VAV3: variants seen among roughly 807,000 people sequenced by gnomAD.
VAV3 encodes the protein guanine nucleotide exchange factor VAV3.
In VAV3, 94 loss-of-function variants were observed where a neutral mutation model predicts 131.2. The observed-to-expected ratio is 0.72, with a 90% CI of 0.61 to 0.85. VAV3 has a LOEUF of 0.85. Among genes scored for constraint, VAV3 ranks in the 40% least tolerant of loss-of-function variants. VAV3 has a pLI of 0.00. For missense variants in VAV3, 939 were observed against 1,002.7 expected (o/e 0.94, Z 0.86); for synonymous variants, 349 against 342.0 (o/e 1.02, Z -0.22).
chr1:107,766,599 A>AAT, intron 7 of VAV3, 49 bp from the exon 8 acceptor site: 1 of 1,407,358 alleles, frequency 7.1e-7, no homozygotes, highest in Non-Finnish European at 1.0e-6. Context: ...ACAACCAAAA[A>AAT]ATACACCCCA....
chr1:107,649,329 C>G (rs1655983120), intron 19 of VAV3, among the ~76,000 whole-genome samples: 1 of 152,078 alleles, frequency 6.6e-6, no homozygotes, highest in Admixed American at 6.6e-5. Context: ...CCAAGAGAGA[C>G]AGTCTAAAGG....
At chr1:107,922,893 A>G (rs991462726) in intron 1 of VAV3, among the ~76,000 whole-genome samples, 2 of 150,480 alleles carry the variant, frequency 1.3e-5, no homozygotes, top group Non-Finnish European at 3.0e-5. Context: ...CGGAGCTTGC[A>G]GTGAGCCGAG....
At chr1:107,779,570 T>C in intron 2 of VAV3, 78 bp from the exon 3 acceptor site, 2 of 1,158,442 alleles carry the variant, frequency 1.7e-6, no homozygotes, top group Non-Finnish European at 2.4e-6. Context: ...TTTTTCAATC[T>C]AATATTAACC....
intron 15 of VAV3, among the ~76,000 whole-genome samples, chr1:107,717,735 C>T (rs1192515909): frequency 6.6e-6 from 1 of 152,142 alleles, no homozygotes; most frequent in Non-Finnish European, 1.5e-5. Flanking sequence ...GTGGAGAGTT[C>T]TGTAGATGTC....
At chr1:107,592,292 T>C (rs1651031451) in intron 25 of VAV3, among the ~76,000 whole-genome samples, 1 of 152,156 alleles carries the variant, frequency 6.6e-6, no homozygotes, top group Non-Finnish European at 1.5e-5. Context: ...CACTTATGCT[T>C]TTTGGGGACA....
At chr1:107,617,105 A>G (rs902378656) in intron 21 of VAV3, among the ~76,000 whole-genome samples, 34 of 152,352 alleles carry the variant, frequency 2.2e-4, no homozygotes, top group African/African-American at 7.9e-4. Flanking sequence ...TATAAAAAGT[A>G]ATGTCACACT....
At position 107,829,544 on chromosome 1, in the gene VAV3, C is replaced by T. The variant is rs17557888; in HGVS notation, c.321+45357G>A. Among the ~76,000 whole-genome samples, 1,088 of 152,182 alleles carry T rather than the reference C, an allele frequency of 7.1e-3. 4 individuals are homozygous for T. The highest frequency in any genetic ancestry group is 0.014 in the South Asian group (69 of 4,812). ...TATTTTAGTTTCTGTGTGGGCACTT[C>T]CTTTGCACAGACCACAGTCCTGTAC... On this transcript the variant is annotated intron_variant, in intron 2 of 26. Transcript: ENST00000370056.
intron 19 of VAV3, among the ~76,000 whole-genome samples, chr1:107,665,664 T>C (rs1657357930): frequency 6.6e-6 from 1 of 152,316 alleles, no homozygotes; most frequent in East Asian, 1.9e-4. Context: ...GGGAGCTAAC[T>C]AGTTTTACAT....
intron 18 of VAV3, 123 bp from the exon 19 acceptor site, chr1:107,683,656 G>T: frequency 1.1e-6 from 1 of 936,860 alleles, no homozygotes; most frequent in African/African-American, 1.6e-5. Context: ...GTCAAAGTAT[G>T]ACTAAATTTG....
chr1:107,589,569 G>A (rs1315156466), intron 25 of VAV3, among the ~76,000 whole-genome samples: 1 of 152,208 alleles, frequency 6.6e-6, no homozygotes, highest in Non-Finnish European at 1.5e-5. Context: ...GTAAACTTCT[G>A]TTGTTTTAAG....
At chr1:107,779,173 A>G (rs1665541920) in intron 3 of VAV3, among the ~76,000 whole-genome samples, 1 of 151,976 alleles carries the variant, frequency 6.6e-6, no homozygotes, top group Admixed American at 6.6e-5. Context: ...AAAGTTAAAA[A>G]AAAAAAAAAA....
At chr1:107,610,789 G>T (rs1023441199) in intron 21 of VAV3, among the ~76,000 whole-genome samples, 1 of 152,122 alleles carries the variant, frequency 6.6e-6, no homozygotes, top group Non-Finnish European at 1.5e-5. Context: ...TATAGAGAGG[G>T]TTACTTTAAA....
At chr1:107,716,304 C>G (rs1361254370) in intron 15 of VAV3, among the ~76,000 whole-genome samples, 1 of 152,156 alleles carries the variant, frequency 6.6e-6, no homozygotes, top group Admixed American at 6.5e-5. Context: ...ATTATTGTGA[C>G]CAAACAGCCA....
At chr1:107,931,580 G>A (rs1246224325) in intron 1 of VAV3, among the ~76,000 whole-genome samples, 2 of 152,158 alleles carry the variant, frequency 1.3e-5, no homozygotes, top group East Asian at 3.8e-4. Context: ...CTATTCAAAT[G>A]ATACAGATTA....
chr1:107,574,085 T>G lies in VAV3; in HGVS notation c.2464A>C (p.Ser822Arg). Residue 822 changes from serine to arginine, a missense_variant, in exon 26 of 27, where the codon AGT (serine) becomes CGT (arginine). Transcript: ENST00000370056. ...TCTCCTCTCCACCAGCCATTTGCACTCATCTTTGTGTAAATCTTCACCACA... is the reference window on the plus strand; with the variant it reads ...TCTCCTCTCCACCAGCCATTTGCACGCATCTTTGTGTAAATCTTCACCACA... ...GDVVKIYTKM[S>R]ANGWWRGEVN... 2 of 1,614,172 alleles carry G rather than the reference T, an allele frequency of 1.2e-6. No homozygotes were observed. Among genetic ancestry groups the G allele is most frequent in the Non-Finnish European group, 1.7e-6 (2 of 1,180,026 alleles).
intron 24 of VAV3, 67 bp downstream of exon 24, chr1:107,602,330 T>A (rs1384966737): frequency 2.5e-6 from 3 of 1,184,380 alleles, no homozygotes; most frequent in Non-Finnish European, 3.5e-6. Context: ...AACTATAGAA[T>A]TAAAATGACC....
chr1:107,900,227 A>G (rs753277567), intron 1 of VAV3, among the ~76,000 whole-genome samples: 29 of 152,224 alleles, frequency 1.9e-4, no homozygotes, highest in Non-Finnish European at 4.3e-4. Flanking sequence ...CTGAAAATTA[A>G]CAGGATATGA....
intron 1 of VAV3, among the ~76,000 whole-genome samples, chr1:107,900,647 C>T (rs1336442938): frequency 6.6e-6 from 1 of 152,126 alleles, no homozygotes; most frequent in Non-Finnish European, 1.5e-5. Flanking sequence ...CTGAAGCATG[C>T]TAAAATAAGC....
intron 25 of VAV3, among the ~76,000 whole-genome samples, chr1:107,587,320 G>A (rs536198734): frequency 2.0e-5 from 3 of 152,282 alleles, no homozygotes; most frequent in East Asian, 3.9e-4. Context: ...ATGCAGATTT[G>A]GGATTCAGCA....
Sources: allele counts gnomAD v4.1 joint callset (sites outside exome capture counted in the v4.1 genomes callset), GRCh38; gene constraint gnomAD v4.1.1; transcripts MANE v1.5; gene names NCBI Gene and HGNC (gene_info 2026-07-23, HGNC 2026-07-21).